VPS45: variants seen among roughly 807,000 people sequenced by gnomAD.
VPS45 encodes the protein vacuolar protein sorting-associated protein 45.
VPS45 carries 35 observed loss-of-function variants against 75.9 expected under a neutral mutation model. The observed-to-expected ratio is 0.46, with a 90% CI of 0.35 to 0.61. The LOEUF (loss-of-function observed/expected upper bound fraction) is 0.61, where lower values mean the gene tolerates loss of function less well. VPS45 is among the 20% of genes least tolerant of loss of function. The probability of loss-of-function intolerance (pLI) is 0.00; values close to 1 mark genes in which losing one functional copy is unlikely to be tolerated. For missense variants in VPS45, 559 were observed against 685.9 expected (o/e 0.81, Z 2.07); for synonymous variants, 220 against 238.2 (o/e 0.92, Z 0.70).
At chr1:150,133,673 G>A (rs1658938964) in intron 14 of VPS45, among the ~76,000 whole-genome samples, 1 of 152,134 alleles carries the variant, frequency 6.6e-6, no homozygotes, top group Non-Finnish European at 1.5e-5. Context: ...CTGTAGTTGT[G>A]GTTGTTCTGA....
At chr1:150,097,007 A>G (rs587663368) in intron 13 of VPS45, among the ~76,000 whole-genome samples, 1 of 131,940 alleles carries the variant, frequency 7.6e-6, no homozygotes, top group Non-Finnish European at 1.7e-5. Flanking sequence ...TTTTTTTTTT[A>G]AATGACATAA....
chr1:150,102,097 G>A (rs1366193262), intron 13 of VPS45, among the ~76,000 whole-genome samples: 10 of 151,180 alleles, frequency 6.6e-5, no homozygotes, highest in African/African-American at 2.2e-4. Context: ...AATTAGCCAG[G>A]CATGGTGGCA....
At chr1:150,119,042 A>AG (rs1344347882) in intron 14 of VPS45, among the ~76,000 whole-genome samples, 2 of 152,240 alleles carry the variant, frequency 1.3e-5, no homozygotes, top group Admixed American at 6.5e-5. Context: ...AGATAGCCCT[A>AG]GCCAATAAGT....
chr1:150,078,694 G>C (rs111465664), intron 7 of VPS45, among the ~76,000 whole-genome samples: 16,119 of 151,852 alleles, frequency 0.11, 1,201 homozygotes, highest in Non-Finnish European at 0.17. Context: ...CCCAGGAGGC[G>C]AAGGTTGCAG....
intron 3 of VPS45, among the ~76,000 whole-genome samples, chr1:150,072,928 A>G (rs991141778): frequency 6.6e-6 from 1 of 152,134 alleles, no homozygotes; most frequent in African/African-American, 2.4e-5. Flanking sequence ...TTTGCTGGAA[A>G]AGCAGAAATT....
At chr1:150,140,250 C>CT (rs1553814955) in intron 14 of VPS45, among the ~76,000 whole-genome samples, 1 of 152,100 alleles carries the variant, frequency 6.6e-6, no homozygotes, top group Non-Finnish European at 1.5e-5. Flanking sequence ...TCCAATACTC[C>CT]TTTTTTAAAC....
At chr1:150,094,735 C>G (rs1028477676) in intron 13 of VPS45, among the ~76,000 whole-genome samples, 2 of 152,164 alleles carry the variant, frequency 1.3e-5, no homozygotes, top group African/African-American at 4.8e-5. Context: ...TAAAAAACAA[C>G]TATTCTTGAG....
Position 150,144,733 on chromosome 1 carries a change from T to C in VPS45, c.1650T>C (p.Ser550=). The C allele has an allele frequency of 6.2e-7, 1 of 1,614,152 alleles. No homozygotes were observed. Among genetic ancestry groups the C allele is most frequent in the South Asian group, 1.1e-5 (1 of 91,076 alleles). ...GTTTCCTAGAGGAAGTTCTGGCTTCTGGACTGCACAGCCGAAGCAAGGAGA... is the reference window on the plus strand; with the variant it reads ...GTTTCCTAGAGGAAGTTCTGGCTTCCGGACTGCACAGCCGAAGCAAGGAGA... ...TKSFLEEVLA[S]GLHSRSKESS... Residue 550 remains serine (S), a synonymous_variant, in exon 15 of 15, where the codon TCT becomes TCC. Transcript: ENST00000644510.
At chr1:150,070,271 C>T (rs1194683952) in intron 2 of VPS45, among the ~76,000 whole-genome samples, 1 of 151,986 alleles carries the variant, frequency 6.6e-6, no homozygotes, top group Non-Finnish European at 1.5e-5. Context: ...TTTTTCTCAC[C>T]CTATATTCCC....
intron 14 of VPS45, among the ~76,000 whole-genome samples, chr1:150,113,734 A>G (rs587767260): frequency 2.0e-5 from 3 of 151,744 alleles, no homozygotes; most frequent in Non-Finnish European, 4.4e-5. Context: ...CGTCTCTACT[A>G]AAAATACAAA....
chr1:150,143,001 C>A lies in VPS45; in HGVS notation c.1626-1708C>A, dbSNP rs1418772125. 9.2e-6 allele frequency: 3 copies of A among 326,110 alleles called. No individual in the cohort carries two copies. In the Admixed American group the frequency reaches 1.1e-4, roughly 12 times the overall value. The allele number at this position is 326,110 out of a possible 1,614,324, so 20.2% of individuals were successfully genotyped here. On this transcript the variant is annotated intron_variant, in intron 14 of 14. Coordinates refer to ENST00000644510, the MANE Select transcript of VPS45 (RefSeq NM_007259.5). ...AGAAGGCTGTCTTGCCAATGGGTAGCTATTTTATTCATTTACTCAGCATAA... is the reference window on the plus strand; with the variant it reads ...AGAAGGCTGTCTTGCCAATGGGTAGATATTTTATTCATTTACTCAGCATAA...
At chr1:150,082,440 A>T (rs934539921) in intron 9 of VPS45, among the ~76,000 whole-genome samples, 4 of 147,948 alleles carry the variant, frequency 2.7e-5, no homozygotes, top group African/African-American at 1.0e-4. Context: ...TGGGAGGCGG[A>T]GGTTGGGAGG....
In VPS45 at chr1:150,077,156, A is replaced by G; in HGVS notation, c.501A>G (p.Leu167=). 3 of 1,614,154 alleles carry G rather than the reference A, an allele frequency of 1.9e-6. No homozygotes were observed. The highest frequency in any genetic ancestry group is 2.5e-6 in the Non-Finnish European group (3 of 1,180,006). ...RTTQGLTALL[L]SLKKCPMIRY... ...CTCAAGGGCTTACAGCTCTCCTTTTATCTCTGAAGAAGTGTCCCATGATTC... is the reference window on the plus strand; with the variant it reads ...CTCAAGGGCTTACAGCTCTCCTTTTGTCTCTGAAGAAGTGTCCCATGATTC... The change falls in exon 6 of 15, where the codon TTA becomes TTG. Residue 167 remains leucine (L), a synonymous_variant. Coordinates refer to ENST00000644510, the MANE Select transcript of VPS45 (RefSeq NM_007259.5).
At chr1:150,101,440 A>G (rs1656984611) in intron 13 of VPS45, among the ~76,000 whole-genome samples, 1 of 152,184 alleles carries the variant, frequency 6.6e-6, no homozygotes, top group African/African-American at 2.4e-5. Context: ...CTATTACTAA[A>G]AAGTCAAAAA....
intron 12 of VPS45, among the ~76,000 whole-genome samples, chr1:150,092,714 T>C (rs1373081408): frequency 6.6e-6 from 1 of 152,150 alleles, no homozygotes; most frequent in Non-Finnish European, 1.5e-5. Context: ...TGTTTATAAT[T>C]AAAGATTTTT....
At chr1:150,071,437 A>G (rs1169134829) in intron 2 of VPS45, among the ~76,000 whole-genome samples, 1 of 152,156 alleles carries the variant, frequency 6.6e-6, no homozygotes, top group Non-Finnish European at 1.5e-5. Context: ...AATTAACTTT[A>G]TTTTCTCTTG....
At chr1:150,137,787 T>C (rs753576661) in intron 14 of VPS45, among the ~76,000 whole-genome samples, 2 of 151,940 alleles carry the variant, frequency 1.3e-5, no homozygotes, top group Non-Finnish European at 2.9e-5. Context: ...TGGCGGCGTA[T>C]TTCTGTAGTC....
intron 14 of VPS45, among the ~76,000 whole-genome samples, chr1:150,144,430 T>C (rs1659566106): frequency 6.6e-6 from 1 of 151,918 alleles, no homozygotes; most frequent in African/African-American, 2.4e-5. Context: ...GGATCCTAAA[T>C]AGAAACTTCA....
chr1:150,080,996 C>T (rs1241425225), intron 7 of VPS45, among the ~76,000 whole-genome samples: 1 of 152,094 alleles, frequency 6.6e-6, no homozygotes, highest in East Asian at 1.9e-4. Context: ...ACTGCAGTAC[C>T]AATATAGCTC....
Sources: allele counts gnomAD v4.1 joint callset (sites outside exome capture counted in the v4.1 genomes callset), GRCh38; gene constraint gnomAD v4.1.1; transcripts MANE v1.5; gene names NCBI Gene and HGNC (gene_info 2026-07-23, HGNC 2026-07-21).